The following VEGFC variants were observed in gnomAD, a reference collection of about 807,000 sequenced individuals.
The protein encoded by VEGFC is vascular endothelial growth factor C, also known as FLT4 ligand DHM.
VEGFC carries 12 observed loss-of-function variants against 46.1 expected under a neutral mutation model. The observed-to-expected ratio is 0.26, with a 90% confidence interval of 0.17 to 0.42. The LOEUF (loss-of-function observed/expected upper bound fraction) is 0.42. Among genes scored for constraint, VEGFC ranks in the 10% least tolerant of loss-of-function variants. VEGFC has a pLI of 1.00. For synonymous variants in VEGFC, 232 were observed against 195.5 expected, an observed-to-expected ratio of 1.19 and a Z score of -1.56; for missense variants, 488 against 529.4, an observed-to-expected ratio of 0.92 and a Z score of 0.77.
intron 1 of VEGFC, among the ~76,000 whole-genome samples, chr4:176,735,807 T>C (rs1362746235): frequency 1.3e-5 from 2 of 151,914 alleles, no homozygotes; most frequent in Non-Finnish European, 2.9e-5. Flanking sequence ...GCCTGCCATT[T>C]AGGTCATTTT....
At chr4:176,746,746 C>T (rs1313864943) in intron 1 of VEGFC, among the ~76,000 whole-genome samples, 5 of 151,984 alleles carry the variant, frequency 3.3e-5, no homozygotes, top group Admixed American at 1.3e-4. Context: ...AAGTTGATTG[C>T]CATATTAAAT....
intron 4 of VEGFC, among the ~76,000 whole-genome samples, chr4:176,695,410 T>C (rs1734291693): frequency 1.3e-5 from 2 of 151,088 alleles, no homozygotes; most frequent in Non-Finnish European, 2.9e-5. Context: ...ACACATACAC[T>C]CTCCCAAGAC....
At chr4:176,694,014 G>A (rs200538505) in intron 4 of VEGFC, among the ~76,000 whole-genome samples, 33,233 of 149,324 alleles carry the variant, frequency 0.22, 6,140 homozygotes, top group African/African-American at 0.51. Context: ...GGTACCAGCC[G>A]CTGCAAAATC....
In VEGFC at chr4:176,751,305, C is replaced by T. The variant is rs140442233; in HGVS notation, c.148-21559G>A. On this transcript the variant is annotated intron_variant, in intron 1 of 6. Coordinates refer to ENST00000618562, the MANE Select transcript of VEGFC (RefSeq NM_005429.5). Reference sequence around the variant, plus strand: ...TACAAAGAATTTTAGAATTGAAACGCGAATAGCTCTTTATAGAATGGATGG... The same window carrying T: ...TACAAAGAATTTTAGAATTGAAACGTGAATAGCTCTTTATAGAATGGATGG... 3.0e-3 allele frequency among the ~76,000 whole-genome samples: 457 copies of T among 151,906 alleles called. 3 individuals are homozygous for T. Among genetic ancestry groups the T allele is most frequent in the African/African-American group, 0.01 (428 of 41,514 alleles).
At chr4:176,687,785 C>A in intron 5 of VEGFC, 36 bp downstream of exon 5, 1 of 1,419,898 alleles carries the variant, frequency 7.0e-7, no homozygotes, top group Non-Finnish European at 9.9e-7. Flanking sequence ...AATATAGACC[C>A]CTGGCGTTTA....
rs756433515 is a variant in VEGFC, at chr4:176,727,851, T to C, written c.479A>G (p.Tyr160Cys). Reference protein sequence around the residue: ...TFFKPPCVSVYRCGGCCNSEG... With the variant: ...TFFKPPCVSVCRCGGCCNSEG... The stretch of plus-strand genomic sequence containing the variant: ...ACTATTGCAGCAACCCCCACATCTG[T>C]AGACGGACACACATGGAGGTTTAAA... Residue 160 changes from tyrosine (Y) to cysteine (C), a missense_variant, in exon 3 of 7, where the codon TAC becomes TGC. By Grantham distance (194) the Tyr-to-Cys change is radical (BLOSUM62 -2). Coordinates refer to ENST00000618562, the MANE Select transcript of VEGFC (RefSeq NM_005429.5). 5.6e-6 allele frequency: 9 copies of C among 1,613,892 alleles called. No individual in the cohort carries two copies. Among genetic ancestry groups the C allele is most frequent in the Admixed American group, 1.7e-5 (1 of 59,982 alleles).
chr4:176,782,595 T>A (rs901634658), intron 1 of VEGFC, among the ~76,000 whole-genome samples: 9 of 152,084 alleles, frequency 5.9e-5, no homozygotes, highest in African/African-American at 2.2e-4. Flanking sequence ...GAAAACATAA[T>A]AGCACTGAAC....
Position 176,702,666 on chromosome 4 carries a change from C to T in VEGFC, c.704+8833G>A, listed in dbSNP as rs73872155. Reference sequence around the variant, plus strand: ...GTGCACAGAACGTGTTATTTTATTACATCTTTAGGGACATTGTCCATGCTA... The same window carrying T: ...GTGCACAGAACGTGTTATTTTATTATATCTTTAGGGACATTGTCCATGCTA... On this transcript the variant is annotated intron_variant, in intron 4 of 6. Coordinates refer to ENST00000618562, the MANE Select transcript of VEGFC (RefSeq NM_005429.5). 1.4e-3 allele frequency among the ~76,000 whole-genome samples: 209 copies of T among 152,162 alleles called. 1 individual carries two copies. The highest frequency in any genetic ancestry group is 5.0e-3 in the African/African-American group (206 of 41,540).
intron 1 of VEGFC, among the ~76,000 whole-genome samples, chr4:176,730,401 T>TTAAA (rs1363107820): frequency 1.3e-5 from 2 of 152,132 alleles, no homozygotes; most frequent in African/African-American, 4.8e-5. Context: ...GTATACTCAT[T>TTAAA]TAAGTAGAAC....
At chr4:176,777,281 C>A (rs1417327239) in intron 1 of VEGFC, among the ~76,000 whole-genome samples, 1 of 152,198 alleles carries the variant, frequency 6.6e-6, no homozygotes, top group African/African-American at 2.4e-5. Flanking sequence ...CGCACCACTG[C>A]ACTCCAGCCT....
At chr4:176,737,829 A>G (rs1393689402) in intron 1 of VEGFC, among the ~76,000 whole-genome samples, 2 of 151,918 alleles carry the variant, frequency 1.3e-5, no homozygotes, top group Non-Finnish European at 2.9e-5. Flanking sequence ...TATAAGCTAC[A>G]GAAGCAGAAA....
intron 1 of VEGFC, among the ~76,000 whole-genome samples, chr4:176,746,987 G>A (rs1036340914): frequency 2.6e-5 from 4 of 152,108 alleles, no homozygotes; most frequent in African/African-American, 9.7e-5. Context: ...TGCAGATAGG[G>A]AGATTAAATA....
intron 1 of VEGFC, among the ~76,000 whole-genome samples, chr4:176,745,544 G>A (rs1045813732): frequency 6.6e-6 from 1 of 152,038 alleles, no homozygotes; most frequent in African/African-American, 2.4e-5. Context: ...ACACATCCTG[G>A]CCTACCAACA....
chr4:176,702,076 T>A (rs1361777079), intron 4 of VEGFC, among the ~76,000 whole-genome samples: 1 of 152,136 alleles, frequency 6.6e-6, no homozygotes. Context: ...CTGTTAAATA[T>A]TAATAGACCA....
chr4:176,741,859 G>GT (rs1239001248), intron 1 of VEGFC, among the ~76,000 whole-genome samples: 6 of 151,876 alleles, frequency 4.0e-5, no homozygotes, highest in Non-Finnish European at 5.9e-5. Context: ...TAATTAAGTT[G>GT]TTTTTTTCTC....
Position 176,756,922 on chromosome 4 carries a change from T to C in VEGFC, c.148-27176A>G, listed in dbSNP as rs149401003. Among the ~76,000 whole-genome samples the C allele has an allele frequency of 5.3e-5, 8 of 152,206 alleles. No homozygotes were observed. The East Asian group carries it at 1.2e-3, about 22-fold the overall frequency. ...GAAGAGAAGCTTTTTGACTTCCTAA[T>C]AGATTGCTGGAAGGTTTAGGCAACT... is the stretch of plus-strand genomic sequence containing the variant. On this transcript the variant is annotated intron_variant, in intron 1 of 6. Transcript: ENST00000618562.
intron 4 of VEGFC, among the ~76,000 whole-genome samples, chr4:176,707,070 T>G (rs1436061904): frequency 6.6e-6 from 1 of 152,182 alleles, no homozygotes; most frequent in Non-Finnish European, 1.5e-5. Context: ...TATCAGTAGT[T>G]CATTCTTTTT....
intron 4 of VEGFC, among the ~76,000 whole-genome samples, chr4:176,692,628 G>A (rs1440140719): frequency 1.4e-5 from 2 of 143,496 alleles, no homozygotes; most frequent in East Asian, 3.9e-4. Flanking sequence ...GCCCACCACA[G>A]CTCAAGGAGG....
chr4:176,743,691 G>C (rs533296962), intron 1 of VEGFC, among the ~76,000 whole-genome samples: 337 of 151,474 alleles, frequency 2.2e-3, no homozygotes, highest in African/African-American at 7.6e-3. Flanking sequence ...AGCAGCAGTG[G>C]CATGTTATTT....
Sources: allele counts gnomAD v4.1 joint callset (sites outside exome capture counted in the v4.1 genomes callset), GRCh38; gene constraint gnomAD v4.1.1; transcripts MANE v1.5; gene names NCBI Gene and HGNC (gene_info 2026-07-23, HGNC 2026-07-21).